Variants in PKP4 observed in about 807,000 individuals in gnomAD.
The protein encoded by PKP4 is plakophilin-4.
PKP4 carries 90 observed loss-of-function variants against 145.1 expected under a neutral mutation model. The observed-to-expected ratio is 0.62, with a 90% confidence interval of 0.52 to 0.74. PKP4 has a LOEUF of 0.74. Ranked by LOEUF, PKP4 falls within the 30% of genes least tolerant of loss-of-function variation. The pLI is 0.00. For missense variants in PKP4, 1,340 were observed against 1,482.7 expected (o/e 0.90, Z 1.58); for synonymous variants, 563 against 577.2 (o/e 0.98, Z 0.35).
chr2:158,467,810 G>A (rs543722786), intron 1 of PKP4, among the ~76,000 whole-genome samples: 8 of 152,164 alleles, frequency 5.3e-5, no homozygotes, highest in African/African-American at 1.9e-4. Flanking sequence ...TAGTGCCACT[G>A]CACTCCAACC....
intron 2 of PKP4, among the ~76,000 whole-genome samples, chr2:158,555,722 A>T (rs1350812633): frequency 6.6e-6 from 1 of 152,176 alleles, no homozygotes; most frequent in Non-Finnish European, 1.5e-5. Context: ...TGCCACCTGT[A>T]TCCTCACCTG....
At chr2:158,678,474 C>A in intron 20 of PKP4, 107 bp from the exon 21 acceptor site, 1 of 788,370 alleles carries the variant, frequency 1.3e-6, no homozygotes, top group Non-Finnish European at 2.2e-6. Flanking sequence ...CTGGGGAAGA[C>A]AGGCCCTGTC....
intron 1 of PKP4, among the ~76,000 whole-genome samples, chr2:158,510,187 A>T (rs144142910): frequency 2.3e-4 from 35 of 152,348 alleles, no homozygotes; most frequent in African/African-American, 8.4e-4. Flanking sequence ...TTAAGGAAGC[A>T]GACTGTTCAG....
In PKP4 at chr2:158,622,449, A is replaced by G. The variant is rs375366495; in HGVS notation, c.603+1028A>G. The stretch of plus-strand genomic sequence containing the variant: ...ATGGTGGTAACCAGTGAGGCTAACT[A>G]TCTGTGCCAGGACCCCAAAACCCCA... On this transcript the variant is annotated intron_variant, in intron 6 of 21. Transcript: ENST00000389759. 1.6e-4 allele frequency among the ~76,000 whole-genome samples: 25 copies of G among 152,272 alleles called. No individual in the cohort carries two copies. In the East Asian group the frequency reaches 4.6e-3, roughly 28 times the overall value.
intron 11 of PKP4, among the ~76,000 whole-genome samples, chr2:158,656,117 G>A (rs904826201): frequency 9.9e-5 from 15 of 152,194 alleles, no homozygotes; most frequent in African/African-American, 3.6e-4. Flanking sequence ...TAGATAATAT[G>A]AAGCTGCTCT....
chr2:158,540,513 AGTT>A (rs544298365), intron 2 of PKP4, among the ~76,000 whole-genome samples: 80 of 152,336 alleles, frequency 5.3e-4, no homozygotes, highest in Admixed American at 2.5e-3. Context: ...AGACATATAA[AGTT>A]GACCTATTTC....
intron 2 of PKP4, among the ~76,000 whole-genome samples, chr2:158,543,783 C>G (rs1027673745): frequency 6.6e-6 from 1 of 152,102 alleles, no homozygotes; most frequent in African/African-American, 2.4e-5. Context: ...TCGTAACTCC[C>G]TTGGGAGAAG....
intron 1 of PKP4, among the ~76,000 whole-genome samples, chr2:158,503,891 T>C (rs1244254309): frequency 6.6e-6 from 1 of 151,622 alleles, no homozygotes; most frequent in East Asian, 1.9e-4. Context: ...TCTGATTCAG[T>C]AGGTCTGGAG....
rs1290175291 is a variant in PKP4, at chr2:158,619,940, CACACGCACACA to C, written c.281-1049_281-1039del. 2.2e-4 allele frequency among the ~76,000 whole-genome samples: 10 copies of C among 46,360 alleles called. No homozygotes were observed. The Admixed American group carries it at 3.6e-3, about 17-fold the overall frequency. The allele number at this position is 46,360 out of a possible 152,430, so 30.4% of individuals were successfully genotyped here. A position where few individuals can be genotyped will look rare whatever the true frequency, so the allele number is the denominator to read the frequency against. On this transcript the variant is annotated intron_variant, in intron 4 of 21. Transcript: ENST00000389759. ...AGCTCCATTCCCCCAGACACACACA[CACACGCACACA>C]CACACCCCTTACCTTCTCTCATAAC...
intron 12 of PKP4, chr2:158,658,540 A>G (rs2056221672): frequency 2.4e-6 from 1 of 413,246 alleles, no homozygotes; most frequent in South Asian, 5.7e-5. Flanking sequence ...ACTTACTCAG[A>G]AAGGCCCTTT....
chr2:158,674,114 A>G (rs2057798737), intron 19 of PKP4, 114 bp downstream of exon 19: 1 of 759,946 alleles, frequency 1.3e-6, no homozygotes, highest in Admixed American at 1.7e-5. Flanking sequence ...AACACTACCC[A>G]TGCAGCAGAG....
intron 11 of PKP4, among the ~76,000 whole-genome samples, chr2:158,647,134 C>T (rs1398845825): frequency 2.0e-5 from 3 of 152,180 alleles, no homozygotes; most frequent in Admixed American, 2.0e-4. Flanking sequence ...TGCCCATCTC[C>T]TATAAAGTCC....
intron 1 of PKP4, among the ~76,000 whole-genome samples, chr2:158,520,280 T>G (rs1257614911): frequency 6.6e-6 from 1 of 152,208 alleles, no homozygotes; most frequent in East Asian, 1.9e-4. Context: ...GTGTGTTTTA[T>G]TTTCAAAAAT....
intron 1 of PKP4, among the ~76,000 whole-genome samples, chr2:158,501,020 C>T (rs1354212486): frequency 1.3e-5 from 2 of 152,066 alleles, no homozygotes; most frequent in Non-Finnish European, 2.9e-5. Context: ...TTTATCATGA[C>T]TGCTAGACCT....
chr2:158,651,546 T>A (rs1472393090), intron 11 of PKP4, among the ~76,000 whole-genome samples: 2 of 152,042 alleles, frequency 1.3e-5, no homozygotes, highest in Non-Finnish European at 2.9e-5. Context: ...GCATGTGCCG[T>A]CACCTCTTCT....
intron 11 of PKP4, among the ~76,000 whole-genome samples, chr2:158,650,164 ATTTCC>A (rs1253326191): frequency 6.6e-6 from 1 of 152,120 alleles, no homozygotes; most frequent in Non-Finnish European, 1.5e-5. Flanking sequence ...GGATTCTCTA[ATTTCC>A]TTTCATGTGA....
At chr2:158,474,700 A>G (rs1431059852) in intron 1 of PKP4, among the ~76,000 whole-genome samples, 1 of 152,050 alleles carries the variant, frequency 6.6e-6, no homozygotes, top group East Asian at 1.9e-4. Context: ...CATAGTAGAG[A>G]TAGGAGAGGA....
chr2:158,549,127 A>G (rs1024769875), intron 2 of PKP4: 3 of 202,102 alleles, frequency 1.5e-5, no homozygotes, highest in Admixed American at 1.4e-4. Context: ...GAGATCCGCC[A>G]TCACTGGGGA....
intron 2 of PKP4, among the ~76,000 whole-genome samples, chr2:158,534,439 G>T (rs2043856359): frequency 6.6e-6 from 1 of 152,138 alleles, no homozygotes; most frequent in Admixed American, 6.5e-5. Context: ...AGTTTGAGAA[G>T]ATGCAAGATA....
Sources: gnomAD v4.1 joint callset for allele counts (sites outside exome capture counted in the v4.1 genomes callset) on GRCh38, gnomAD v4.1.1 for gene constraint, MANE v1.5 for transcripts, NCBI Gene and HGNC (gene_info 2026-07-23, HGNC 2026-07-21) for gene names.